ATG4C: variants seen among roughly 807,000 people sequenced by gnomAD.
ATG4C encodes cysteine protease ATG4C.
Under a neutral mutation model 57.6 loss-of-function variants are expected in ATG4C, and 56 were observed. The ratio of observed to expected loss-of-function variants is 0.97; its 90% CI spans 0.78 to 1.21. The LOEUF (loss-of-function observed/expected upper bound fraction) is 1.21. Ranked by LOEUF, ATG4C falls within the 50% of genes most tolerant of loss-of-function variation. ATG4C has a pLI of 0.00. For missense variants in ATG4C, 595 were observed against 529.8 expected (o/e 1.12, Z -1.21); for synonymous variants, 157 against 174.1 (o/e 0.90, Z 0.78).
At chr1:62,830,879 T>C (rs2100333572) in intron 7 of ATG4C, among the ~76,000 whole-genome samples, 1 of 152,280 alleles carries the variant, frequency 6.6e-6, no homozygotes, top group East Asian at 1.9e-4. Context: ...CTAATTTGTA[T>C]AATACTTTTC....
chr1:62,788,368 C>G (rs1214154911), intron 1 of ATG4C, among the ~76,000 whole-genome samples: 1 of 151,816 alleles, frequency 6.6e-6, no homozygotes. Context: ...TAGTTGTTAA[C>G]ATAGTGCCTC....
intron 1 of ATG4C, among the ~76,000 whole-genome samples, chr1:62,789,035 A>T (rs1379715505): frequency 6.6e-6 from 1 of 152,090 alleles, no homozygotes; most frequent in Non-Finnish European, 1.5e-5. Context: ...TTTTGTATTT[A>T]GTAATCTGTA....
intron 9 of ATG4C, among the ~76,000 whole-genome samples, chr1:62,837,210 A>G (rs567941483): frequency 1.6e-4 from 25 of 152,260 alleles, no homozygotes; most frequent in Non-Finnish European, 2.6e-4. Context: ...GAATTTCTAT[A>G]CTAACTTTTA....
chr1:62,857,579 C>G (rs1666724211), intron 10 of ATG4C, among the ~76,000 whole-genome samples: 2 of 152,128 alleles, frequency 1.3e-5, no homozygotes, highest in African/African-American at 4.8e-5. Context: ...ATCCCCACCC[C>G]CCCAGTCCGT....
At chr1:62,823,261 C>T (rs7513520) in intron 6 of ATG4C, among the ~76,000 whole-genome samples, 72,248 of 152,048 alleles carry the variant, frequency 0.48, 17,414 homozygotes, top group African/African-American at 0.57. Flanking sequence ...AAATTCAGCA[C>T]GTTTAAAAGT....
chr1:62,852,090 A>G (rs796212500), intron 10 of ATG4C, among the ~76,000 whole-genome samples: 66 of 152,238 alleles, frequency 4.3e-4, no homozygotes, highest in African/African-American at 1.4e-3. Context: ...TCATTCATTC[A>G]TTCGTTCATT....
chr1:62,839,913 A>C (rs947952297), intron 9 of ATG4C, among the ~76,000 whole-genome samples: 2 of 152,066 alleles, frequency 1.3e-5, no homozygotes, highest in Non-Finnish European at 2.9e-5. Flanking sequence ...CATTGGAAAA[A>C]AAAGCAGCTT....
At chr1:62,825,134 G>C (rs1026954159) in intron 6 of ATG4C, among the ~76,000 whole-genome samples, 1 of 151,890 alleles carries the variant, frequency 6.6e-6, no homozygotes, top group African/African-American at 2.4e-5. Context: ...TACTCGGGAG[G>C]CTGAGGCAGG....
intron 1 of ATG4C, among the ~76,000 whole-genome samples, chr1:62,789,773 C>A (rs1417557612): frequency 6.6e-6 from 1 of 151,956 alleles, no homozygotes; most frequent in Non-Finnish European, 1.5e-5. Context: ...TCCGAGTTCG[C>A]GCCACTGCAC....
At chr1:62,821,335 C>A in intron 6 of ATG4C, 126 bp downstream of exon 6, 1 of 485,810 alleles carries the variant, frequency 2.1e-6, no homozygotes, top group Non-Finnish European at 3.5e-6. Context: ...ATTTTTGTTC[C>A]TAAATGTAGT....
chr1:62,812,955 C>T (rs867964356), intron 3 of ATG4C, among the ~76,000 whole-genome samples: 1 of 152,110 alleles, frequency 6.6e-6, no homozygotes, highest in Non-Finnish European at 1.5e-5. Flanking sequence ...CAAACCGCTG[C>T]TCAAGGGAAT....
At position 62,790,754 on chromosome 1, in the gene ATG4C, C is replaced by T. The variant is rs6587989; in HGVS notation, c.-69+6481C>T. ...AGACTTGTAAGCTCTAAACTTGTAG[C>T]TCTATTTTTTCAGTTATAATGATAT... On this transcript the variant is annotated intron_variant, in intron 1 of 10. Coordinates refer to ENST00000317868, the MANE Select transcript of ATG4C (RefSeq NM_032852.4). Among the ~76,000 whole-genome samples, 346 of 152,238 alleles carry T rather than the reference C, an allele frequency of 2.3e-3. 2 individuals are homozygous for T. Among genetic ancestry groups the T allele is most frequent in the African/African-American group, 8.1e-3 (338 of 41,558 alleles).
At chr1:62,826,201 A>G (rs7414021) in intron 6 of ATG4C, among the ~76,000 whole-genome samples, 94,944 of 149,176 alleles carry the variant, frequency 0.64, 30,167 homozygotes, top group African/African-American at 0.72. Context: ...GACCCACCAC[A>G]CCTGGCCAAA....
chr1:62,819,427 TTAAAAGTC>T, intron 5 of ATG4C, 92 bp downstream of exon 5: 1 of 1,020,898 alleles, frequency 9.8e-7, no homozygotes. Flanking sequence ...AATTGGAACT[TTAAAAGTC>T]TAACTGTATG....
intron 10 of ATG4C, among the ~76,000 whole-genome samples, chr1:62,843,065 C>G (rs777060380): frequency 6.6e-6 from 1 of 151,800 alleles, no homozygotes; most frequent in Non-Finnish European, 1.5e-5. Context: ...CATGTATTTT[C>G]TATCTGGATG....
At chr1:62,839,630 A>C (rs923299658) in intron 9 of ATG4C, among the ~76,000 whole-genome samples, 3 of 152,210 alleles carry the variant, frequency 2.0e-5, no homozygotes, top group Non-Finnish European at 4.4e-5. Context: ...ATTGTTAACT[A>C]ACCAGTTTGT....
intron 10 of ATG4C, among the ~76,000 whole-genome samples, chr1:62,849,128 C>T (rs1666416532): frequency 6.6e-6 from 1 of 152,158 alleles, no homozygotes; most frequent in Admixed American, 6.5e-5. Flanking sequence ...GTGATGCTAA[C>T]TTTGACCCCT....
Position 62,841,470 on chromosome 1 carries a change from A to C in ATG4C, c.1132A>C (p.Met378Leu), listed in dbSNP as rs1666163718. 1 of 1,608,056 alleles carries C rather than the reference A, an allele frequency of 6.2e-7. No homozygotes were observed. Among genetic ancestry groups the C allele is most frequent in the Admixed American group, 1.7e-5 (1 of 59,652 alleles). Residue 378 changes from methionine (M) to leucine (L), a missense_variant, in exon 10 of 11, where the codon ATG (methionine) becomes CTG (leucine). By Grantham distance (15) the Met-to-Leu change is conservative. Transcript: ENST00000317868. ...PSPKKMSFRK[M>L]DPSCTIGFYC... is the part of the protein sequence containing the mutation. Reference sequence around the variant, plus strand: ...TCCCAAAAAGATGTCTTTTCGAAAAATGGATCCCAGCTGTACAATAGGATT... The same window carrying C: ...TCCCAAAAAGATGTCTTTTCGAAAACTGGATCCCAGCTGTACAATAGGATT...
chr1:62,821,719 C>T (rs1425480132), intron 6 of ATG4C, among the ~76,000 whole-genome samples: 1 of 152,002 alleles, frequency 6.6e-6, no homozygotes, highest in East Asian at 1.9e-4. Flanking sequence ...ATGTTTGAGA[C>T]CACAAGTGTT....
Sources: gnomAD v4.1 joint callset for allele counts (sites outside exome capture counted in the v4.1 genomes callset) on GRCh38, gnomAD v4.1.1 for gene constraint, MANE v1.5 for transcripts, NCBI Gene and HGNC (gene_info 2026-07-23, HGNC 2026-07-21) for gene names.